The following ANGPTL5 variants were observed in gnomAD, a reference collection of about 807,000 sequenced individuals.
ANGPTL5 encodes the protein angiopoietin-related protein 5.
Under a neutral mutation model 39.4 loss-of-function variants are expected in ANGPTL5, and 34 were observed. That is an observed-to-expected ratio of 0.86 (90% CI 0.66 to 1.15). The LOEUF (loss-of-function observed/expected upper bound fraction) is 1.15. Ranked by LOEUF, ANGPTL5 falls within the 50% of genes most tolerant of loss-of-function variation. The pLI is 0.00. For synonymous variants in ANGPTL5, 146 were observed against 152.1 expected (o/e 0.96, Z 0.29); for missense variants, 467 against 457.5 (o/e 1.02, Z -0.19).
At chr11:101,906,263 G>T (rs1939995877) in intron 3 of ANGPTL5, among the ~76,000 whole-genome samples, 1 of 152,024 alleles carries the variant, frequency 6.6e-6, no homozygotes, top group Admixed American at 6.5e-5. Context: ...GTACATCTTT[G>T]TTTTAATTTT....
chr11:101,910,419 A>AT lies in ANGPTL5; in HGVS notation c.-92-2419_-92-2418insA, dbSNP rs1224776407. Among the ~76,000 whole-genome samples the AT allele has an allele frequency of 1.5e-3, 203 of 138,490 alleles. 2 individuals carry two copies. The highest frequency in any genetic ancestry group is 2.7e-3 in the African/African-American group (100 of 37,340). The allele number at this position is 138,490 out of a possible 152,430, so 90.9% of individuals were successfully genotyped here. ...GAGCAAAACTCCGTCTCAAAAAAAA[A>AT]AAAAAATATATATATATATATATAT... On this transcript the variant is annotated intron_variant, in intron 1 of 8. Transcript: ENST00000334289.
rs756173623 is a variant in ANGPTL5 at position 101,907,209 on chromosome 11, A to G, written c.135T>C (p.Asn45=). ...CATTACTTTTACTTTCATCTTTTGC[A>G]TTAGATCCATCTTCTACAATGTTAA... ...SVVNIVEDGS[N]AKDESKSNDT... The change falls in exon 3 of 9, where the codon AAT becomes AAC. Residue 45 remains asparagine (N), a synonymous_variant. Coordinates refer to ENST00000334289, the MANE Select transcript of ANGPTL5 (RefSeq NM_178127.5). The G allele has an allele frequency of 4.5e-6, 7 of 1,551,332 alleles. No individual in the cohort carries two copies. The highest frequency in any genetic ancestry group is 4.4e-6 in the Non-Finnish European group (5 of 1,128,616).
chr11:101,892,792 A>G (rs1337108114), intron 8 of ANGPTL5, among the ~76,000 whole-genome samples: 2 of 152,202 alleles, frequency 1.3e-5, no homozygotes, highest in African/African-American at 4.8e-5. Context: ...TGTTTGTTTC[A>G]TTATTTCTGA....
chr11:101,898,224 A>C (rs1256116457), intron 7 of ANGPTL5, among the ~76,000 whole-genome samples: 1 of 148,650 alleles, frequency 6.7e-6, no homozygotes, highest in Non-Finnish European at 1.5e-5. Flanking sequence ...ACTTCGTCTC[A>C]AAAAAAAAAA....
chr11:101,894,770 A>T, intron 8 of ANGPTL5, 109 bp downstream of exon 8: 1 of 1,060,096 alleles, frequency 9.4e-7, no homozygotes, highest in Non-Finnish European at 1.4e-6. Flanking sequence ...CTATCCTGTT[A>T]TCAGTTATGT....
At chr11:101,915,345 G>C (rs1940181988) in intron 1 of ANGPTL5, 4 of 1,614,002 alleles carry the variant, frequency 2.5e-6, no homozygotes, top group Non-Finnish European at 3.4e-6. Flanking sequence ...TGAATCATCG[G>C]ACAACCTCGA....
At chr11:101,903,313 C>T (rs186916899) in intron 5 of ANGPTL5, among the ~76,000 whole-genome samples, 34 of 152,224 alleles carry the variant, frequency 2.2e-4, no homozygotes, top group African/African-American at 7.7e-4. Context: ...CCCATAATCA[C>T]CTTCTCCAAA....
chr11:101,911,013 T>A (rs1264891865), intron 1 of ANGPTL5, among the ~76,000 whole-genome samples: 1 of 147,078 alleles, frequency 6.8e-6, no homozygotes, highest in East Asian at 2.1e-4. Flanking sequence ...CGCCACTAAA[T>A]CTGGGCCATG....
rs748048053 is a variant in ANGPTL5 at position 101,915,366 on chromosome 11, C to T, written c.-93+653G>A. ...ATCGGACAACCTCGACAGAGCCCCC[C>T]TCGGCCCTCGGGAGAGCGGCGGGCA... is the stretch of plus-strand genomic sequence containing the variant. On this transcript the variant is annotated intron_variant, in intron 1 of 8. Transcript: ENST00000334289. The T allele has an allele frequency of 5.6e-6, 9 of 1,613,984 alleles. No individual in the cohort carries two copies. The East Asian group carries it at 2.0e-4, about 36-fold the overall frequency.
intron 8 of ANGPTL5, among the ~76,000 whole-genome samples, chr11:101,892,043 A>G (rs1297568476): frequency 6.6e-6 from 1 of 152,202 alleles, no homozygotes; most frequent in African/African-American, 2.4e-5. Flanking sequence ...TTACAGTTAC[A>G]GAAGTTGGGG....
intron 1 of ANGPTL5, chr11:101,915,439 G>C: frequency 6.3e-7 from 1 of 1,586,392 alleles, no homozygotes; most frequent in African/African-American, 1.3e-5. Flanking sequence ...GTGGCTGCCA[G>C]GGTAGCGATG....
chr11:101,897,354 G>A (rs919633948), intron 7 of ANGPTL5, among the ~76,000 whole-genome samples: 1 of 152,118 alleles, frequency 6.6e-6, no homozygotes, highest in Admixed American at 6.5e-5. Flanking sequence ...GAGCTCTTTA[G>A]TTTAATCAGA....
chr11:101,907,387 T>C, intron 2 of ANGPTL5, 140 bp from the exon 3 acceptor site: 1 of 562,394 alleles, frequency 1.8e-6, no homozygotes, highest in Non-Finnish European at 2.9e-6. Flanking sequence ...ATAAGCTATT[T>C]AATTCAAACT....
At chr11:101,898,269 G>C (rs761935655) in intron 7 of ANGPTL5, among the ~76,000 whole-genome samples, 6 of 152,062 alleles carry the variant, frequency 3.9e-5, no homozygotes, top group Admixed American at 2.6e-4. Context: ...TCATGATACT[G>C]ATTCTTCCTA....
rs1940028465 is a variant in ANGPTL5 at position 101,908,017 on chromosome 11, C to T, written c.-92-16G>A. The T allele has an allele frequency of 2.4e-6, 2 of 823,862 alleles. No individual in the cohort carries two copies. The highest frequency in any genetic ancestry group is 3.0e-5 in the South Asian group (2 of 66,392). 51.0% of individuals were successfully genotyped at this position (823,862 alleles called of 1,614,324 possible). ...TTAAAAACCTCTGGAAAGCGTACAA[C>T]AAAAACATAAGCCAAAACTTACTAG... On this transcript the variant is annotated splice_polypyrimidine_tract_variant and intron_variant, in intron 1 of 8. Coordinates refer to ENST00000334289, the MANE Select transcript of ANGPTL5 (RefSeq NM_178127.5).
intron 1 of ANGPTL5, chr11:101,915,151 C>A: frequency 7.2e-7 from 1 of 1,390,068 alleles, no homozygotes; most frequent in South Asian, 1.4e-5. Context: ...GCTGTCGAGG[C>A]CAACCCTTCC....
At chr11:101,903,554 G>T (rs550328757) in intron 5 of ANGPTL5, among the ~76,000 whole-genome samples, 1 of 152,158 alleles carries the variant, frequency 6.6e-6, no homozygotes, top group South Asian at 2.1e-4. Flanking sequence ...TTACCATAGT[G>T]CCCAGCACAC....
intron 1 of ANGPTL5, among the ~76,000 whole-genome samples, chr11:101,910,405 C>T (rs1940069385): frequency 1.9e-5 from 2 of 104,000 alleles, no homozygotes; most frequent in South Asian, 3.5e-4. Context: ...AGCAAAACTC[C>T]GTCTCAAAAA....
intron 6 of ANGPTL5, among the ~76,000 whole-genome samples, chr11:101,900,956 A>T (rs1257413264): frequency 6.8e-6 from 1 of 147,430 alleles, no homozygotes; most frequent in Non-Finnish European, 1.5e-5. Flanking sequence ...GGTTCACGCC[A>T]TTCTCCCGCC....
Sources: gnomAD v4.1 joint callset for allele counts (sites outside exome capture counted in the v4.1 genomes callset) on GRCh38, gnomAD v4.1.1 for gene constraint, MANE v1.5 for transcripts, NCBI Gene and HGNC (gene_info 2026-07-23, HGNC 2026-07-21) for gene names.